The following FOXP1 variants were observed in gnomAD, a reference collection of about 807,000 sequenced individuals.
FOXP1 encodes the protein forkhead box protein P1.
In FOXP1, 15 loss-of-function variants were observed where a neutral mutation model predicts 98.2. That is an observed-to-expected ratio of 0.15 (90% confidence interval 0.10 to 0.24). The LOEUF (loss-of-function observed/expected upper bound fraction) is 0.24, where lower values mean the gene tolerates loss of function less well. Among genes scored for constraint, FOXP1 ranks in the 10% least tolerant of loss-of-function variants. The pLI, the probability that FOXP1 is intolerant of heterozygous loss-of-function variation, is 1.00. For synonymous variants in FOXP1, 371 were observed against 314.5 expected, an observed-to-expected ratio of 1.18 and a Z score of -1.90; for missense variants, 633 against 848.5, an observed-to-expected ratio of 0.75 and a Z score of 3.15.
chr3:71,151,341 G>T (rs1279705891), intron 6 of FOXP1, among the ~76,000 whole-genome samples: 1 of 152,138 alleles, frequency 6.6e-6, no homozygotes, highest in African/African-American at 2.4e-5. Flanking sequence ...CGCGCGTCAG[G>T]ATTTATATAA....
At chr3:71,021,924 G>T (rs978776349) in intron 11 of FOXP1, among the ~76,000 whole-genome samples, 4 of 151,856 alleles carry the variant, frequency 2.6e-5, no homozygotes, top group Non-Finnish European at 4.4e-5. Flanking sequence ...CTTTCTTTAC[G>T]GTGTGCTTTA....
intron 7 of FOXP1, among the ~76,000 whole-genome samples, chr3:71,084,405 C>A (rs1290917281): frequency 1.3e-5 from 2 of 151,928 alleles, no homozygotes; most frequent in Non-Finnish European, 2.9e-5. Context: ...TGATTCCTCA[C>A]CCATGGGTTT....
chr3:71,487,487 C>T (rs897601479), intron 3 of FOXP1, among the ~76,000 whole-genome samples: 2 of 152,208 alleles, frequency 1.3e-5, no homozygotes, highest in African/African-American at 4.8e-5. Context: ...ACCTTATACA[C>T]TGCATTGTAA....
chr3:71,532,512 C>A (rs192848635), intron 2 of FOXP1, among the ~76,000 whole-genome samples: 57 of 152,246 alleles, frequency 3.7e-4, no homozygotes, highest in Non-Finnish European at 4.7e-4. Context: ...AAACTGTTGG[C>A]AAGACAGGTC....
At chr3:71,003,450 A>G (rs554655655) in intron 12 of FOXP1, among the ~76,000 whole-genome samples, 18 of 151,750 alleles carry the variant, frequency 1.2e-4, no homozygotes, top group African/African-American at 4.4e-4. Context: ...TAGCTTCAGC[A>G]GTTAATTATG....
At chr3:71,130,728 T>C in intron 6 of FOXP1, 3 of 1,502,522 alleles carry the variant, frequency 2.0e-6, no homozygotes, top group Non-Finnish European at 2.7e-6. Context: ...CCACAGTAGC[T>C]GGCTGGGCTC....
chr3:71,426,911 A>G (rs569037494), intron 3 of FOXP1, among the ~76,000 whole-genome samples: 1 of 152,100 alleles, frequency 6.6e-6, no homozygotes, highest in East Asian at 1.9e-4. Flanking sequence ...AAATACAAAA[A>G]TTAGCCGGGC....
intron 2 of FOXP1, among the ~76,000 whole-genome samples, chr3:71,556,006 A>C (rs892014306): frequency 3.9e-5 from 6 of 152,076 alleles, no homozygotes; most frequent in Non-Finnish European, 4.4e-5. Flanking sequence ...TGGGTAGAAA[A>C]ATCTGTCTTA....
chr3:71,368,123 T>A (rs1011175173), intron 3 of FOXP1, among the ~76,000 whole-genome samples: 1 of 152,062 alleles, frequency 6.6e-6, no homozygotes, highest in Non-Finnish European at 1.5e-5. Context: ...ATTTTTATTT[T>A]ATTTATTTAT....
intron 5 of FOXP1, among the ~76,000 whole-genome samples, chr3:71,273,472 CA>C (rs2070588181): frequency 6.6e-6 from 1 of 152,222 alleles, no homozygotes; most frequent in Non-Finnish European, 1.5e-5. Flanking sequence ...CTTGCCTTGG[CA>C]GGTTCAAGAC....
chr3:71,430,536 C>T (rs919743324), intron 3 of FOXP1, among the ~76,000 whole-genome samples: 5 of 151,842 alleles, frequency 3.3e-5, no homozygotes, highest in South Asian at 2.1e-4. Flanking sequence ...AGGAGTCATC[C>T]GCATGTTACT....
At chr3:71,127,829 TACAG>T (rs1454675975) in intron 6 of FOXP1, among the ~76,000 whole-genome samples, 3 of 152,208 alleles carry the variant, frequency 2.0e-5, no homozygotes, top group East Asian at 3.8e-4. Context: ...CTTTGATTTC[TACAG>T]ACAAAGGGCT....
intron 2 of FOXP1, among the ~76,000 whole-genome samples, chr3:71,546,306 C>T (rs763509404): frequency 1.3e-5 from 2 of 152,100 alleles, no homozygotes; most frequent in African/African-American, 2.4e-5. Context: ...TTAACATTCA[C>T]GAAATACACC....
At chr3:71,190,016 C>T (rs949603679) in intron 6 of FOXP1, among the ~76,000 whole-genome samples, 2 of 152,238 alleles carry the variant, frequency 1.3e-5, no homozygotes, top group African/African-American at 2.4e-5. Flanking sequence ...ACTGCAGTAG[C>T]GCTGTCATGG....
intron 3 of FOXP1, among the ~76,000 whole-genome samples, chr3:71,456,266 G>A (rs2087489515): frequency 6.6e-6 from 1 of 151,908 alleles, no homozygotes; most frequent in African/African-American, 2.4e-5. Context: ...GAGAGAGAGG[G>A]GACACACAAA....
At chr3:71,353,360 G>A (rs1429877412) in intron 4 of FOXP1, among the ~76,000 whole-genome samples, 1 of 152,068 alleles carries the variant, frequency 6.6e-6, no homozygotes, top group East Asian at 1.9e-4. Flanking sequence ...CCCCTTTCAC[G>A]AATTATTATT....
chr3:71,176,602 C>G (rs2061949263), intron 6 of FOXP1, among the ~76,000 whole-genome samples: 1 of 151,950 alleles, frequency 6.6e-6, no homozygotes, highest in Admixed American at 6.6e-5. Flanking sequence ...CTGGCTGGGC[C>G]TGGTGGCATG....
intron 3 of FOXP1, among the ~76,000 whole-genome samples, chr3:71,438,333 G>A (rs1310412030): frequency 2.6e-5 from 4 of 152,116 alleles, no homozygotes; most frequent in African/African-American, 9.7e-5. Context: ...GGAAAGTACT[G>A]GTGTTTTTGG....
intron 6 of FOXP1, among the ~76,000 whole-genome samples, chr3:71,114,118 T>A (rs944563852): frequency 6.6e-6 from 1 of 152,196 alleles, no homozygotes; most frequent in African/African-American, 2.4e-5. Context: ...CACACATAGA[T>A]GTCATCAATA....
Sources: gnomAD v4.1 joint callset for allele counts (sites outside exome capture counted in the v4.1 genomes callset) on GRCh38, gnomAD v4.1.1 for gene constraint, MANE v1.5 for transcripts, NCBI Gene and HGNC (gene_info 2026-07-23, HGNC 2026-07-21) for gene names.